IL1RAPL1: variants seen among roughly 807,000 people sequenced by gnomAD.
The protein encoded by IL1RAPL1 is interleukin-1 receptor accessory protein-like 1.
IL1RAPL1 carries 3 observed loss-of-function variants against 48.4 expected under a neutral mutation model. The ratio of observed to expected loss-of-function variants is 0.06; its 90% confidence interval spans 0.03 to 0.16. IL1RAPL1 has a LOEUF of 0.16. IL1RAPL1 is among the 10% of genes least tolerant of loss of function. IL1RAPL1 has a pLI of 1.00. For synonymous variants in IL1RAPL1, 185 were observed against 187.7 expected (o/e 0.99, Z 0.12); for missense variants, 349 against 530.6 (o/e 0.66, Z 3.36).
intron 2 of IL1RAPL1, among the ~76,000 whole-genome samples, chrX:28,909,650 C>G (rs1318757335): frequency 9.0e-6 from 1 of 110,997 alleles, no homozygotes; most frequent in Non-Finnish European, 1.9e-5. Context: ...AATGATAGTC[C>G]CTTTACTTCC....
At chrX:29,510,724 C>T (rs6630881) in intron 5 of IL1RAPL1, among the ~76,000 whole-genome samples, 43,866 of 110,230 alleles carry the variant, frequency 0.4, 6,612 homozygotes, top group East Asian at 0.7. Flanking sequence ...TTAGGTCTTA[C>T]TACCCTCCAA....
chrX:28,926,062 G>A (rs1022006128), intron 2 of IL1RAPL1, among the ~76,000 whole-genome samples: 8 of 112,097 alleles, frequency 7.1e-5, no homozygotes, highest in African/African-American at 9.7e-5. Context: ...GTTCAGTACC[G>A]TAGCCATTAG....
intron 2 of IL1RAPL1, among the ~76,000 whole-genome samples, chrX:28,856,334 T>G (rs140454080): frequency 2.7e-5 from 3 of 112,114 alleles, no homozygotes; most frequent in African/African-American, 9.7e-5. Context: ...CTTATGCAAA[T>G]GTTGTTAAAA....
intron 6 of IL1RAPL1, among the ~76,000 whole-genome samples, chrX:29,712,452 A>T (rs1927377990): frequency 8.9e-6 from 1 of 112,259 alleles, no homozygotes; most frequent in Non-Finnish European, 1.9e-5. Flanking sequence ...TGATATAAAA[A>T]TACAAAAATA....
chrX:29,820,952 G>C (rs764928568), intron 6 of IL1RAPL1, among the ~76,000 whole-genome samples: 7 of 112,032 alleles, frequency 6.2e-5, no homozygotes, highest in Non-Finnish European at 1.1e-4. Flanking sequence ...GGTTGAACCT[G>C]TAGAGCTCCA....
At chrX:28,615,210 T>TTTTTG (rs1934202474) in intron 1 of IL1RAPL1, among the ~76,000 whole-genome samples, 9 of 68,105 alleles carry the variant, frequency 1.3e-4, no homozygotes, top group Admixed American at 3.7e-4. Flanking sequence ...TTTTTTTTTT[T>TTTTTG]TTTTTTTTTT....
At chrX:29,222,264 G>A (rs1930996819) in intron 2 of IL1RAPL1, among the ~76,000 whole-genome samples, 1 of 111,563 alleles carries the variant, frequency 9.0e-6, no homozygotes, top group Non-Finnish European at 1.9e-5. Context: ...CACTTATTGT[G>A]AGGCCACAAA....
chrX:28,656,898 C>T (rs997705933), intron 1 of IL1RAPL1, among the ~76,000 whole-genome samples: 12 of 108,650 alleles, frequency 1.1e-4, no homozygotes, highest in Non-Finnish European at 1.7e-4. Flanking sequence ...TGGTGGCGGG[C>T]GCCTGTAGTC....
intron 1 of IL1RAPL1, among the ~76,000 whole-genome samples, chrX:28,603,809 A>G (rs922146682): frequency 8.9e-6 from 1 of 112,636 alleles, no homozygotes; most frequent in Non-Finnish European, 1.9e-5. Context: ...TGACATTTGC[A>G]TTGTAAAGGT....
intron 1 of IL1RAPL1, among the ~76,000 whole-genome samples, chrX:28,746,133 G>A (rs1935974375): frequency 9.0e-6 from 1 of 111,008 alleles, no homozygotes; most frequent in Non-Finnish European, 1.9e-5. Flanking sequence ...TTAAGAAAAT[G>A]TGGCACATAT....
intron 6 of IL1RAPL1, among the ~76,000 whole-genome samples, chrX:29,735,459 A>G: frequency 8.9e-6 from 1 of 112,089 alleles, no homozygotes; most frequent in Non-Finnish European, 1.9e-5. Flanking sequence ...GGATGTGGAT[A>G]TCTTTGGGGG....
chrX:29,224,704 A>G (rs537583655), intron 2 of IL1RAPL1, among the ~76,000 whole-genome samples: 1 of 111,861 alleles, frequency 8.9e-6, no homozygotes, highest in South Asian at 3.7e-4. Flanking sequence ...CTGCTATGAC[A>G]TTTTTTGGGC....
intron 6 of IL1RAPL1, among the ~76,000 whole-genome samples, chrX:29,748,803 C>G (rs990485473): frequency 5.6e-5 from 6 of 106,251 alleles, no homozygotes; most frequent in African/African-American, 2.1e-4. Context: ...AAACAAAGGA[C>G]ATATAGTGAG....
intron 6 of IL1RAPL1, among the ~76,000 whole-genome samples, chrX:29,907,763 A>G (rs1932667939): frequency 8.9e-6 from 1 of 112,262 alleles, no homozygotes; most frequent in African/African-American, 3.2e-5. Context: ...CTAAATAAAT[A>G]TAGATTTTGT....
At chrX:29,802,831 A>ATG (rs1491141081) in intron 6 of IL1RAPL1, among the ~76,000 whole-genome samples, 37 of 68,971 alleles carry the variant, frequency 5.4e-4, no homozygotes, top group African/African-American at 2.5e-3. Flanking sequence ...ATATGTATAC[A>ATG]TATATGTATA....
intron 2 of IL1RAPL1, among the ~76,000 whole-genome samples, chrX:28,810,726 C>A (rs772808501): frequency 9.1e-6 from 1 of 110,046 alleles, no homozygotes; most frequent in South Asian, 3.8e-4. Flanking sequence ...GCATAGAGAT[C>A]AAACTATTTT....
chrX:29,670,801 T>G (rs1405738067), intron 6 of IL1RAPL1, among the ~76,000 whole-genome samples: 2 of 112,177 alleles, frequency 1.8e-5, no homozygotes, highest in Non-Finnish European at 1.9e-5. Context: ...AAATATGATA[T>G]AAATCCTAAG....
chrX:29,897,441 C>A (rs1932407996), intron 6 of IL1RAPL1, among the ~76,000 whole-genome samples: 2 of 111,743 alleles, frequency 1.8e-5, no homozygotes, highest in South Asian at 3.7e-4. Context: ...AAGAAGAGAA[C>A]ATAAATACTA....
chrX:28,842,259 A>C (rs1335928058), intron 2 of IL1RAPL1, among the ~76,000 whole-genome samples: 3 of 110,119 alleles, frequency 2.7e-5, no homozygotes, highest in African/African-American at 1.0e-4. Context: ...CAGAGTTGGG[A>C]GGGTATGTTA....
Sources: allele counts gnomAD v4.1 joint callset (sites outside exome capture counted in the v4.1 genomes callset), GRCh38; gene constraint gnomAD v4.1.1; transcripts MANE v1.5; gene names NCBI Gene and HGNC (gene_info 2026-07-23, HGNC 2026-07-21).